Variants in PRIMA1 observed in about 807,000 individuals in gnomAD.
PRIMA1 encodes proline rich membrane anchor 1, also known as proline-rich membrane anchor 1.
In PRIMA1, 7 loss-of-function variants were observed where a neutral mutation model predicts 17.5. The observed-to-expected ratio is 0.40, with a 90% CI of 0.23 to 0.75. PRIMA1 has a LOEUF of 0.75. PRIMA1 is among the 30% of genes least tolerant of loss of function. The pLI is 0.37. For synonymous variants in PRIMA1, 97 were observed against 77.9 expected, an observed-to-expected ratio of 1.25 and a Z score of -1.29; for missense variants, 200 against 201.8, an observed-to-expected ratio of 0.99 and a Z score of 0.05.
intron 3 of PRIMA1, among the ~76,000 whole-genome samples, chr14:93,776,892 G>A (rs1176038207): frequency 6.6e-6 from 1 of 152,190 alleles, no homozygotes; most frequent in African/African-American, 2.4e-5. Flanking sequence ...AAAGTCTCAA[G>A]CTCAGAATCT....
chr14:93,721,416 C>T lies in PRIMA1; in HGVS notation c.*28G>A. On this transcript the variant is annotated 3_prime_UTR_variant, in exon 5 of 5. Transcript: ENST00000393140. ...CCACCAGTGCCACCAAGGTGTCCCT[C>T]TGGCCAGCGGGTCCAGGGCCTGCAG... 6.7e-7 allele frequency: 1 copy of T among 1,497,694 alleles called. No homozygotes were observed. Among genetic ancestry groups the T allele is most frequent in the Non-Finnish European group, 9.3e-7 (1 of 1,075,508 alleles). The allele number at this position is 1,497,694 out of a possible 1,614,324, so 92.8% of individuals were successfully genotyped here.
At chr14:93,783,373 C>T (rs746125182) in intron 2 of PRIMA1, among the ~76,000 whole-genome samples, 2 of 152,226 alleles carry the variant, frequency 1.3e-5, no homozygotes, top group Non-Finnish European at 2.9e-5. Context: ...TCAGTTGGCA[C>T]AATGCCCACC....
intron 3 of PRIMA1, among the ~76,000 whole-genome samples, chr14:93,778,350 A>G (rs1885281597): frequency 6.6e-6 from 1 of 152,252 alleles, no homozygotes; most frequent in African/African-American, 2.4e-5. Context: ...ACAAATTGCA[A>G]AGATCCTCCA....
At chr14:93,730,014 TTCAC>T (rs1270038354) in intron 4 of PRIMA1, among the ~76,000 whole-genome samples, 9 of 152,214 alleles carry the variant, frequency 5.9e-5, no homozygotes, top group African/African-American at 2.2e-4. Flanking sequence ...AGCAGACGAT[TTCAC>T]TCACCCAGAT....
chr14:93,759,773 A>G (rs1385967302), intron 3 of PRIMA1, among the ~76,000 whole-genome samples: 3 of 152,176 alleles, frequency 2.0e-5, no homozygotes, highest in African/African-American at 7.2e-5. Flanking sequence ...CGGGAGCCCC[A>G]CAGACCAGCG....
intron 3 of PRIMA1, among the ~76,000 whole-genome samples, chr14:93,746,082 C>A (rs1041981626): frequency 2.6e-5 from 4 of 152,078 alleles, no homozygotes; most frequent in African/African-American, 9.7e-5. Flanking sequence ...GAGGCGGGCT[C>A]AGCCTAGGAG....
At chr14:93,788,693 A>ACGGGGCG (rs1380868922), upstream of PRIMA1, among the ~76,000 whole-genome samples, 1 of 152,002 alleles carries the variant, frequency 6.6e-6, no homozygotes. Flanking sequence ...GCGTCCTCGC[A>ACGGGGCG]CGGGGCGCAG....
chr14:93,732,998 C>A (rs2076125061), intron 4 of PRIMA1, among the ~76,000 whole-genome samples: 1 of 152,180 alleles, frequency 6.6e-6, no homozygotes, highest in Non-Finnish European at 1.5e-5. Context: ...GCTCTGGGGC[C>A]TGCTCTCCAT....
At chr14:93,787,846 C>G in intron 1 of PRIMA1, 97 bp from the exon 2 acceptor site, 1 of 1,409,480 alleles carries the variant, frequency 7.1e-7, no homozygotes, top group South Asian at 1.4e-5. Flanking sequence ...GACGGGCACG[C>G]CCCGCACCCA....
At chr14:93,724,549 C>T (rs1182135443) in intron 4 of PRIMA1, among the ~76,000 whole-genome samples, 2 of 152,202 alleles carry the variant, frequency 1.3e-5, no homozygotes, top group Non-Finnish European at 2.9e-5. Flanking sequence ...GTGTGCCTGA[C>T]TTCTGACTCC....
At chr14:93,763,971 G>A (rs999546279) in intron 3 of PRIMA1, among the ~76,000 whole-genome samples, 1 of 152,024 alleles carries the variant, frequency 6.6e-6, no homozygotes, top group African/African-American at 2.4e-5. Context: ...CCTGGGACTC[G>A]GGATCTCCGT....
intron 2 of PRIMA1, among the ~76,000 whole-genome samples, chr14:93,786,587 C>T (rs747271389): frequency 4.6e-5 from 7 of 152,018 alleles, no homozygotes; most frequent in Non-Finnish European, 1.0e-4. Context: ...GTGAATTGTC[C>T]CCAAACCCCA....
At chr14:93,729,957 G>C (rs1260777470) in intron 4 of PRIMA1, among the ~76,000 whole-genome samples, 1 of 152,100 alleles carries the variant, frequency 6.6e-6, no homozygotes, top group African/African-American at 2.4e-5. Context: ...ACTGGTGAAG[G>C]GGTGAGGCCC....
At chr14:93,740,331 A>G (rs2141163510) in intron 3 of PRIMA1, among the ~76,000 whole-genome samples, 1 of 152,296 alleles carries the variant, frequency 6.6e-6, no homozygotes, top group South Asian at 2.1e-4. Context: ...CCTTCCCTCC[A>G]ATTCCTCACC....
At chr14:93,779,408 G>A in intron 2 of PRIMA1, 97 bp from the exon 3 acceptor site, 1 of 1,073,256 alleles carries the variant, frequency 9.3e-7, no homozygotes, top group Non-Finnish European at 1.3e-6. Context: ...TGCCAGGCTG[G>A]GACTTGGGAT....
At chr14:93,727,276 AG>A (rs2076084351) in intron 4 of PRIMA1, among the ~76,000 whole-genome samples, 1 of 152,146 alleles carries the variant, frequency 6.6e-6, no homozygotes, top group South Asian at 2.1e-4. Context: ...GGGAGCAGAG[AG>A]GGGTCTGCCG....
chr14:93,721,436 C>T lies in PRIMA1; in HGVS notation c.*8G>A, dbSNP rs763803732. The T allele has an allele frequency of 1.3e-6, 2 of 1,596,984 alleles. No individual in the cohort carries two copies. The highest frequency in any genetic ancestry group is 2.2e-5 in the South Asian group (2 of 90,642). ...TCCCTCTGGCCAGCGGGTCCAGGGC[C>T]TGCAGACTCACACCACTGCGTTGTT... On this transcript the variant is annotated 3_prime_UTR_variant, in exon 5 of 5. Coordinates refer to ENST00000393140, the MANE Select transcript of PRIMA1 (RefSeq NM_178013.4).
chr14:93,745,701 T>A (rs11848682), intron 3 of PRIMA1, among the ~76,000 whole-genome samples: 2 of 152,122 alleles, frequency 1.3e-5, no homozygotes, highest in Non-Finnish European at 2.9e-5. Context: ...GTGCTGGGTC[T>A]GCTGGGTTAT....
intron 4 of PRIMA1, among the ~76,000 whole-genome samples, chr14:93,727,488 G>A (rs2076085989): frequency 6.6e-6 from 1 of 152,204 alleles, no homozygotes; most frequent in Non-Finnish European, 1.5e-5. Context: ...TGCCAGAATG[G>A]TGCTGGGGGA....
Sources: gnomAD v4.1 joint callset for allele counts (sites outside exome capture counted in the v4.1 genomes callset) on GRCh38, gnomAD v4.1.1 for gene constraint, MANE v1.5 for transcripts, NCBI Gene and HGNC (gene_info 2026-07-23, HGNC 2026-07-21) for gene names.